The following PKHD1 variants were observed in gnomAD, a reference collection of about 807,000 sequenced individuals.
The protein encoded by PKHD1 is fibrocystin.
A neutral mutation model predicts 412.0 loss-of-function variants in PKHD1; 291 were observed. The observed-to-expected ratio is 0.71, with a 90% CI of 0.64 to 0.78. The LOEUF (loss-of-function observed/expected upper bound fraction) is 0.78. PKHD1 is among the 30% of genes least tolerant of loss of function. The pLI, the probability that PKHD1 is intolerant of heterozygous loss-of-function variation, is 0.00. For missense variants in PKHD1, 4,825 were observed against 4,950.7 expected, an observed-to-expected ratio of 0.97 and a Z score of 0.76; for synonymous variants, 1,777 against 1,821.5, an observed-to-expected ratio of 0.98 and a Z score of 0.62.
intron 4 of PKHD1, 140 bp from the exon 5 acceptor site, chr6:52,080,148 C>G: frequency 1.5e-6 from 1 of 683,732 alleles, no homozygotes; most frequent in Non-Finnish European, 2.7e-6. Context: ...CCTTTCACCT[C>G]TTTGATCCAC....
intron 1 of PKHD1, among the ~76,000 whole-genome samples, chr6:52,086,676 C>T (rs1391973616): frequency 6.6e-6 from 1 of 152,188 alleles, no homozygotes; most frequent in Non-Finnish European, 1.5e-5. Flanking sequence ...AATCTATGTA[C>T]CTGCCCCCGA....
chr6:51,931,919 T>G (rs1301332949), intron 37 of PKHD1, among the ~76,000 whole-genome samples: 12 of 122,490 alleles, frequency 9.8e-5, no homozygotes, highest in Admixed American at 3.4e-4. Flanking sequence ...AGAAGGAGAA[T>G]AAAGAAGAAA....
Position 52,025,545 on chromosome 6 carries a change from C to A in PKHD1, c.4265G>T (p.Arg1422Leu). 1 of 1,614,134 alleles carries A rather than the reference C, an allele frequency of 6.2e-7. No individual in the cohort carries two copies. Among genetic ancestry groups the A allele is most frequent in the Non-Finnish European group, 8.5e-7 (1 of 1,180,018 alleles). ...AGTAAAAGGACCCGAGAGGTCAACC[C>A]GAACTGACCTCCTTCTAGAGTTAAG... ...LLLNSRRRSV[R>L]VDLSGPFTCV... Residue 1422 changes from arginine to leucine, a missense_variant, in exon 32 of 67, where the codon CGG becomes CTG. Arg to Leu is a moderately radical substitution (Grantham distance 102). Transcript: ENST00000371117.
intron 3 of PKHD1, 54 bp downstream of exon 3, chr6:52,083,124 T>C: frequency 1.7e-6 from 2 of 1,171,802 alleles, no homozygotes; most frequent in South Asian, 2.4e-5. Flanking sequence ...TCATAGTCTT[T>C]AGGATTGTGG....
intron 60 of PKHD1, chr6:51,682,281 T>C (rs772639511): frequency 2.0e-5 from 9 of 450,178 alleles, no homozygotes; most frequent in Middle Eastern, 3.3e-4. Flanking sequence ...ATTTTCTCTC[T>C]AAACACAAGT....
chr6:51,910,705 T>C (rs955501600), intron 39 of PKHD1, among the ~76,000 whole-genome samples: 2 of 152,144 alleles, frequency 1.3e-5, no homozygotes, highest in Non-Finnish European at 2.9e-5. Context: ...CCAAGGAAGT[T>C]TGAATAGAAT....
chr6:51,823,093 C>CAAA (rs35945486), intron 52 of PKHD1, among the ~76,000 whole-genome samples: 4 of 139,568 alleles, frequency 2.9e-5, no homozygotes, highest in Admixed American at 1.5e-4. Flanking sequence ...GCTATAGTAG[C>CAAA]AAAAAAAAAA....
chr6:51,664,335 A>C (rs1773358322), intron 60 of PKHD1, among the ~76,000 whole-genome samples: 1 of 152,174 alleles, frequency 6.6e-6, no homozygotes, highest in Admixed American at 6.6e-5. Context: ...AGAAGGAGAC[A>C]GAGGGAGAAA....
intron 51 of PKHD1, among the ~76,000 whole-genome samples, chr6:51,832,383 T>C (rs1373574523): frequency 6.6e-6 from 1 of 151,906 alleles, no homozygotes; most frequent in Non-Finnish European, 1.5e-5. Flanking sequence ...AGGCAAAAAT[T>C]GGGAAGTCAA....
In PKHD1 at chr6:52,017,758, T is replaced by A. The variant is rs183565778; in HGVS notation, c.5381-129A>T. On this transcript the variant is annotated intron_variant, in intron 33 of 66. Transcript: ENST00000371117. ...TATGAAGTTAGCAGTTTACTTTTTT[T>A]AAAATGTATTGTATATGTGTAATGT... is the stretch of plus-strand genomic sequence containing the variant. 1.1e-3 allele frequency: 770 copies of A among 724,258 alleles called. 3 individuals carry two copies. The African/African-American group carries it at 0.011, about 10-fold the overall frequency. The allele number at this position is 724,258 out of a possible 1,614,324, so 44.9% of individuals were successfully genotyped here. A position where few individuals can be genotyped will look rare whatever the true frequency, so the allele number is the denominator to read the frequency against.
At chr6:51,936,982 T>C (rs1266893) in intron 36 of PKHD1, among the ~76,000 whole-genome samples, 106,990 of 152,028 alleles carry the variant, frequency 0.7, 38,148 homozygotes, top group East Asian at 0.94. Flanking sequence ...TACCCTGAGC[T>C]AGGAGAGTGC....
chr6:52,024,545 A>C (rs751790467), intron 32 of PKHD1, 29 bp downstream of exon 32: 4 of 1,596,366 alleles, frequency 2.5e-6, no homozygotes, highest in Non-Finnish European at 3.4e-6. Flanking sequence ...TACATAAAGA[A>C]AGTGTGCTGT....
Position 51,746,897 on chromosome 6 carries a change from T to A in PKHD1, c.9830-8A>T. The A allele has an allele frequency of 6.6e-7, 1 of 1,521,322 alleles. No individual in the cohort carries two copies. Among genetic ancestry groups the A allele is most frequent in the Non-Finnish European group, 9.1e-7 (1 of 1,103,024 alleles). The allele number at this position is 1,521,322 out of a possible 1,614,324, so 94.2% of individuals were successfully genotyped here. ...AACTAGAAAAGGTAACATCTGAAATTTTAAAAATATGTATCATAATATTAT... is the reference window on the plus strand; with the variant it reads ...AACTAGAAAAGGTAACATCTGAAATATTAAAAATATGTATCATAATATTAT... On this transcript the variant is annotated splice_region_variant and splice_polypyrimidine_tract_variant and intron_variant, in intron 58 of 66. Transcript: ENST00000371117.
intron 43 of PKHD1, among the ~76,000 whole-genome samples, chr6:51,894,530 G>A (rs1448415898): frequency 6.6e-6 from 1 of 152,232 alleles, no homozygotes; most frequent in Non-Finnish European, 1.5e-5. Flanking sequence ...CTGACTGCAA[G>A]CCCAGCTGAA....
Position 51,748,423 on chromosome 6 carries a change from C to A in PKHD1, c.9193G>T (p.Val3065Leu). 6.2e-7 allele frequency: 1 copy of A among 1,614,032 alleles called. No individual in the cohort carries two copies. The highest frequency in any genetic ancestry group is 1.3e-5 in the African/African-American group (1 of 75,034). Reference protein sequence around the residue: ...GQAYTVTNNLVVLMTQPAWST... With the variant: ...GQAYTVTNNLLVLMTQPAWST... ...CACGCTGGCTGTGTCATCAGAACCA[C>A]AAGGTTATTAGTGACAGTATAGGCC... The change falls in exon 58 of 67, where the codon GTG becomes TTG. Residue 3065 changes from valine (V) to leucine (L), a missense_variant. Transcript: ENST00000371117.
intron 60 of PKHD1, among the ~76,000 whole-genome samples, chr6:51,685,402 C>T (rs1307590412): frequency 6.6e-6 from 1 of 152,096 alleles, no homozygotes; most frequent in Non-Finnish European, 1.5e-5. Context: ...TGATTATACG[C>T]TAAGAATAGA....
At chr6:51,716,681 CAG>C (rs1437847477) in intron 60 of PKHD1, among the ~76,000 whole-genome samples, 1 of 151,976 alleles carries the variant, frequency 6.6e-6, no homozygotes, top group East Asian at 1.9e-4. Context: ...CCATTGGACT[CAG>C]GGATTGGTCC....
At position 52,010,390 on chromosome 6, in the gene PKHD1, T is replaced by G. The variant is rs1394770264; in HGVS notation, c.5670A>C (p.Ala1890=). The G allele has an allele frequency of 6.2e-7, 1 of 1,611,370 alleles. No homozygotes were observed. The highest frequency in any genetic ancestry group is 1.7e-5 in the Admixed American group (1 of 60,022). Residue 1890 remains alanine, a synonymous_variant, in exon 35 of 67, where the codon GCA becomes GCC. Coordinates refer to ENST00000371117, the MANE Select transcript of PKHD1 (RefSeq NM_138694.4). ...SSCNITMETE[A]EMECETPNQP... ...GATTGGGCGTCTCACACTCCATCTC[T>G]GCCTCAGTTTCCATGGTAATGTTAC... is the stretch of plus-strand genomic sequence containing the variant.
chr6:52,062,299 A>T (rs1041782023), intron 14 of PKHD1, among the ~76,000 whole-genome samples: 3 of 152,260 alleles, frequency 2.0e-5, no homozygotes, highest in Admixed American at 6.5e-5. Context: ...CAGATTGTAA[A>T]CTAAGTTGTG....
Sources: allele counts gnomAD v4.1 joint callset (sites outside exome capture counted in the v4.1 genomes callset), GRCh38; gene constraint gnomAD v4.1.1; transcripts MANE v1.5; gene names NCBI Gene and HGNC (gene_info 2026-07-23, HGNC 2026-07-21).